The following GCLC variants were observed in gnomAD, a reference collection of about 807,000 sequenced individuals.
GCLC encodes the protein glutamate-cysteine ligase catalytic subunit.
In GCLC, 30 loss-of-function variants were observed where a neutral mutation model predicts 81.5. That is an observed-to-expected ratio of 0.37 (90% CI 0.28 to 0.50). GCLC has a LOEUF of 0.50. GCLC is among the 20% of genes least tolerant of loss of function. The probability of loss-of-function intolerance (pLI) is 0.96; values close to 1 mark genes in which losing one functional copy is unlikely to be tolerated. For missense variants in GCLC, 556 were observed against 777.4 expected (o/e 0.72, Z 3.39); for synonymous variants, 262 against 273.3 (o/e 0.96, Z 0.41).
chr6:53,519,565 G>C (rs575915735), intron 3 of GCLC, among the ~76,000 whole-genome samples: 1 of 152,310 alleles, frequency 6.6e-6, no homozygotes, highest in Admixed American at 6.5e-5. Flanking sequence ...CACAGAGACA[G>C]AGCTGTCCGT....
rs17885968 is a variant in GCLC, at chr6:53,529,481, A to G, written c.151-6954T>C. On this transcript the variant is annotated intron_variant, in intron 1 of 15. Coordinates refer to ENST00000650454, the MANE Select transcript of GCLC (RefSeq NM_001498.4). ...CACACAAATTAACCTCAGAAAAGAC[A>G]GCACATCAAGTTGCCAATGGGGATG... Among the ~76,000 whole-genome samples the G allele has an allele frequency of 3.0e-3, 456 of 152,362 alleles. 1 individual carries two copies. Among genetic ancestry groups the G allele is most frequent in the African/African-American group, 0.01 (435 of 41,586 alleles).
intron 1 of GCLC, among the ~76,000 whole-genome samples, chr6:53,541,700 G>A (rs1581752696): frequency 1.3e-5 from 2 of 151,952 alleles, no homozygotes; most frequent in African/African-American, 2.4e-5. Context: ...GTAAAATGCT[G>A]GTAAAAGCAG....
intron 12 of GCLC, among the ~76,000 whole-genome samples, chr6:53,502,178 G>A (rs1764526043): frequency 6.6e-6 from 1 of 152,170 alleles, no homozygotes; most frequent in Non-Finnish European, 1.5e-5. Context: ...GAAAAAAGAT[G>A]TGGTATGAGA....
rs923725547 is a variant in GCLC at position 53,500,285 on chromosome 6, ACTC to A, written c.1540_1542del (p.Glu514del). On this transcript the variant is annotated inframe_deletion, in exon 14 of 16. Transcript: ENST00000650454. ...ATGGTGTCTATGCTCATGAGGGTGT[ACTC>A]CTCTGCAGCGAGCTCCGTGCTGTTC... The A allele has an allele frequency of 6.2e-7, 1 of 1,613,972 alleles. No homozygotes were observed. The highest frequency in any genetic ancestry group is 1.3e-5 in the African/African-American group (1 of 74,986).
Position 53,506,956 on chromosome 6 carries a change from T to C in GCLC, c.1154A>G (p.Glu385Gly), listed in dbSNP as rs760452875. 7.5e-6 allele frequency: 12 copies of C among 1,610,246 alleles called. No homozygotes were observed. Among genetic ancestry groups the C allele is most frequent in the Non-Finnish European group, 9.4e-6 (11 of 1,176,464 alleles). Residue 385 changes from glutamate (E) to glycine (G), a missense_variant, in exon 10 of 16, where the codon GAG becomes GGG. By Grantham distance (98) the Glu-to-Gly change is moderately conservative. Around this residue, in one of 3 missense-constraint regions of GCLC, gnomAD observed 313 missense variants for 437.3 expected, o/e 0.72. Transcript: ENST00000650454. This position sits in a 1 kb window ranked among gnomAD's most constrained non-coding sequence, Gnocchi z 4.0. ...ATTAGCATCATCCAGGTGTATTTTC[T>C]CTTCAAACAGTGTCAGTGGGTCTCT... ...FIRDPLTLFE[E>G]KIHLDDANES...
chr6:53,538,239 A>G (rs1480594245), intron 1 of GCLC, among the ~76,000 whole-genome samples: 4 of 142,336 alleles, frequency 2.8e-5, no homozygotes, highest in Non-Finnish European at 6.0e-5. Flanking sequence ...GCAGCCATGA[A>G]CTCCTGGGCT....
At chr6:53,508,768 A>C in intron 7 of GCLC, 57 bp from the exon 8 acceptor site, 1 of 1,141,402 alleles carries the variant, frequency 8.8e-7, no homozygotes, top group Non-Finnish European at 1.3e-6. Context: ...ACATGCTAAA[A>C]AAAGCTCCAT....
chr6:53,506,981 T>C lies in GCLC; in HGVS notation c.1129A>G (p.Arg377Gly). 6.2e-7 allele frequency: 1 copy of C among 1,611,622 alleles called. No homozygotes were observed. Among genetic ancestry groups the C allele is most frequent in the Non-Finnish European group, 8.5e-7 (1 of 1,177,732 alleles). ...LAQHVAHLFIRDPLTLFEEKI... is the reference protein window; with the variant it reads ...LAQHVAHLFIGDPLTLFEEKI... ...TCTTCAAACAGTGTCAGTGGGTCTC[T>C]AATAAAGAGATGAGCAACATGCTGG... is the stretch of plus-strand genomic sequence containing the variant. Residue 377 changes from arginine to glycine, a missense_variant, in exon 10 of 16, where the codon AGA (arginine) becomes GGA (glycine). By Grantham distance (125) the Arg-to-Gly change is moderately radical. Around this residue, in one of 3 missense-constraint regions of GCLC, gnomAD observed 313 missense variants for 437.3 expected, o/e 0.72. Coordinates refer to ENST00000650454, the MANE Select transcript of GCLC (RefSeq NM_001498.4). This position sits in a 1 kb window ranked among gnomAD's most constrained non-coding sequence, Gnocchi z 4.0.
chr6:53,523,773 A>G (rs1177396641), intron 1 of GCLC: 9 of 152,226 alleles, frequency 5.9e-5, no homozygotes, highest in Admixed American at 5.9e-4. Flanking sequence ...GATTATAAAG[A>G]GGAAAAAAAT....
At chr6:53,534,778 T>C (rs2127629770) in intron 1 of GCLC, among the ~76,000 whole-genome samples, 1 of 152,272 alleles carries the variant, frequency 6.6e-6, no homozygotes, top group South Asian at 2.1e-4. Flanking sequence ...GAAAGACCTA[T>C]ACACGAAAAA....
chr6:53,542,995 C>T (rs909117865), intron 1 of GCLC, among the ~76,000 whole-genome samples: 1 of 151,926 alleles, frequency 6.6e-6, no homozygotes, highest in Non-Finnish European at 1.5e-5. Flanking sequence ...GGCGACAGAG[C>T]AAGATTCTGT....
At position 53,507,045 on chromosome 6, in the gene GCLC, G is replaced by A. The variant is rs745722991; in HGVS notation, c.1085-20C>T. 2 of 1,311,698 alleles carry A rather than the reference G, an allele frequency of 1.5e-6. No homozygotes were observed. Among genetic ancestry groups the A allele is most frequent in the Non-Finnish European group, 2.2e-6 (2 of 904,158 alleles). The allele number at this position is 1,311,698 out of a possible 1,614,324, so 81.3% of individuals were successfully genotyped here. A position where few individuals can be genotyped will look rare whatever the true frequency, so the allele number is the denominator to read the frequency against. On this transcript the variant is annotated intron_variant, in intron 9 of 15. Transcript: ENST00000650454. ...CAATGCCTGCAAAAAGAGATCACATGGGAACTCACTGCAAAGCGAGAGATA... is the reference window on the plus strand; with the variant it reads ...CAATGCCTGCAAAAAGAGATCACATAGGAACTCACTGCAAAGCGAGAGATA...
chr6:53,500,450 T>C lies in GCLC; in HGVS notation c.1459A>G (p.Arg487Gly). ...GTAATACCTTTGCAAATATCTTTCC[T>C]GAAATAAAACATTCCCTGCAAGACA... Reference protein sequence around the residue: ...DAVLQGMFYFRKDICKGGNAV... With the variant: ...DAVLQGMFYFGKDICKGGNAV... The change falls in exon 13 of 16, where the codon AGG becomes GGG. Residue 487 changes from arginine (R) to glycine (G), a missense_variant. Physicochemically the swap from Arg to Gly is moderately radical, Grantham distance 125. Around this residue, in one of 3 missense-constraint regions of GCLC, gnomAD observed 313 missense variants for 437.3 expected, o/e 0.72. Coordinates refer to ENST00000650454, the MANE Select transcript of GCLC (RefSeq NM_001498.4). 6.2e-7 allele frequency: 1 copy of C among 1,611,520 alleles called. No homozygotes were observed. The highest frequency in any genetic ancestry group is 8.5e-7 in the Non-Finnish European group (1 of 1,177,552).
chr6:53,500,283 G>GT lies in GCLC; in HGVS notation c.1544dup (p.Tyr515Ter). 2 of 1,614,146 alleles carry GT rather than the reference G, an allele frequency of 1.2e-6. No individual in the cohort carries two copies. Among genetic ancestry groups the GT allele is most frequent in the Non-Finnish European group, 1.7e-6 (2 of 1,179,994 alleles). ...QNSTELAAEE[Y>*]TLMSIDTIIN... ...TGATGGTGTCTATGCTCATGAGGGTGTACTCCTCTGCAGCGAGCTCCGTGC... is the reference window on the plus strand; with the variant it reads ...TGATGGTGTCTATGCTCATGAGGGTGTTACTCCTCTGCAGCGAGCTCCGTGC... Residue 515 changes from tyrosine to a stop codon, truncating the protein, a stop_gained and frameshift_variant, in exon 14 of 16, where the codon TAC becomes TAAC. Transcript: ENST00000650454. LOFTEE classifies it high-confidence loss of function.
At chr6:53,533,575 G>C (rs1462090731) in intron 1 of GCLC, among the ~76,000 whole-genome samples, 1 of 151,494 alleles carries the variant, frequency 6.6e-6, no homozygotes, top group Non-Finnish European at 1.5e-5. Flanking sequence ...GTTGCAGGGG[G>C]AATGAATTCT....
At chr6:53,532,794 G>A (rs985013896) in intron 1 of GCLC, among the ~76,000 whole-genome samples, 7 of 151,910 alleles carry the variant, frequency 4.6e-5, no homozygotes, top group African/African-American at 1.5e-4. Context: ...AAGACAACAG[G>A]GGGTCTGTAA....
intron 4 of GCLC, among the ~76,000 whole-genome samples, chr6:53,515,137 T>C (rs998174210): frequency 1.3e-5 from 2 of 152,278 alleles, no homozygotes; most frequent in Admixed American, 1.3e-4. Context: ...GATAACATTT[T>C]TGGACGTTTT....
In GCLC at chr6:53,544,731, GA is replaced by G; in HGVS notation, c.-87del. 2 of 1,343,226 alleles carry G rather than the reference GA, an allele frequency of 1.5e-6. No individual in the cohort carries two copies. The highest frequency in any genetic ancestry group is 2.0e-6 in the Non-Finnish European group (2 of 1,001,570). The allele number at this position is 1,343,226 out of a possible 1,614,324, so 83.2% of individuals were successfully genotyped here. A position where few individuals can be genotyped will look rare whatever the true frequency, so the allele number is the denominator to read the frequency against. ...CGAGACGGACACTCAGCCGCCCGCAGAAGGCGGCTGCCGCTCCACCCCGCGG... is the reference window on the plus strand; with the variant it reads ...CGAGACGGACACTCAGCCGCCCGCAGAGGCGGCTGCCGCTCCACCCCGCGG... On this transcript the variant is annotated 5_prime_UTR_variant, in exon 1 of 16. Transcript: ENST00000650454.
Position 53,498,380 on chromosome 6 carries a change from T to C in GCLC, c.*376A>G. Reference sequence around the variant, plus strand: ...TCAATAAATCAGGTCCCAGGTAGTCTTTAAAAGAACAAAAATTTACAGTAA... The same window carrying C: ...TCAATAAATCAGGTCCCAGGTAGTCCTTAAAAGAACAAAAATTTACAGTAA... On this transcript the variant is annotated 3_prime_UTR_variant, in exon 16 of 16. Transcript: ENST00000650454. The C allele has an allele frequency of 5.0e-6, 1 of 200,328 alleles. No homozygotes were observed. The highest frequency in any genetic ancestry group is 1.0e-5 in the Non-Finnish European group (1 of 97,626). 12.4% of individuals were successfully genotyped at this position (200,328 alleles called of 1,614,324 possible).
Sources: allele counts gnomAD v4.1 joint callset (sites outside exome capture counted in the v4.1 genomes callset), GRCh38; gene constraint gnomAD v4.1.1; regional missense constraint gnomAD v4.1.1; non-coding constraint Gnocchi (gnomAD v3.1); transcripts MANE v1.5; gene names NCBI Gene and HGNC (gene_info 2026-07-23, HGNC 2026-07-21).